ZNF625: variants seen among roughly 807,000 people sequenced by gnomAD.
ZNF625 encodes the protein zinc finger protein 625.
Under a neutral mutation model 11.1 loss-of-function variants are expected in ZNF625, and 8 were observed. That is an observed-to-expected ratio of 0.72 (90% confidence interval 0.42 to 1.30). ZNF625 has a LOEUF of 1.30. Among genes scored for constraint, ZNF625 ranks in the 50% most tolerant of loss-of-function variants. The pLI is 0.01. For synonymous variants in ZNF625, 145 were observed against 153.4 expected (o/e 0.95, Z 0.41); for missense variants, 349 against 447.6 (o/e 0.78, Z 1.99).
chr19:12,147,514 G>T, intron 2 of ZNF625, 59 bp from the exon 3 acceptor site: 4 of 1,504,004 alleles, frequency 2.7e-6, no homozygotes, highest in Non-Finnish European at 3.6e-6. Context: ...AAAAGTACTA[G>T]ATTCTAAGTT....
chr19:12,147,653 G>GA (rs776943505), intron 2 of ZNF625, 23 bp downstream of exon 2: 15 of 1,613,204 alleles, frequency 9.3e-6, no homozygotes, highest in African/African-American at 1.3e-5. Flanking sequence ...ATTCACTGAG[G>GA]AAAGTAATAT....
chr19:12,154,401 G>T (rs1292614601), intron 1 of ZNF625, among the ~76,000 whole-genome samples: 2 of 152,002 alleles, frequency 1.3e-5, no homozygotes, highest in Admixed American at 6.6e-5. Context: ...CATGGGTCTT[G>T]TATTACCAAG....
intron 1 of ZNF625, among the ~76,000 whole-genome samples, chr19:12,153,879 C>A (rs1429319812): frequency 7.0e-6 from 1 of 142,728 alleles, no homozygotes; most frequent in African/African-American, 2.7e-5. Flanking sequence ...GTGATCTCAG[C>A]TCACTGCAAG....
chr19:12,146,365 CAT>C lies in ZNF625; in HGVS notation c.192-143_192-142del, dbSNP rs377375958. The C allele has an allele frequency of 1.1e-4, 78 of 735,466 alleles. No homozygotes were observed. The African/African-American group carries it at 1.2e-3, about 12-fold the overall frequency. The allele number at this position is 735,466 out of a possible 1,614,324, so 45.6% of individuals were successfully genotyped here. A position where few individuals can be genotyped will look rare whatever the true frequency, so the allele number is the denominator to read the frequency against. On this transcript the variant is annotated intron_variant, in intron 3 of 3. Coordinates refer to ENST00000439556, the MANE Select transcript of ZNF625 (RefSeq NM_145233.4). ...CCTGTCTGAACATGAACAGACCACA[CAT>C]GCTCTACAAGATGGCCCAGCTATAC...
chr19:12,145,544 C>T lies in ZNF625; in HGVS notation c.872G>A (p.Arg291Gln), dbSNP rs749950854. 7.5e-6 allele frequency: 12 copies of T among 1,607,538 alleles called. No homozygotes were observed. Among genetic ancestry groups the T allele is most frequent in the South Asian group, 5.5e-5 (5 of 90,812 alleles). Residue 291 changes from arginine to glutamine, a missense_variant, in exon 4 of 4, where the codon CGA becomes CAA. By Grantham distance (43) the Arg-to-Gln change is conservative. Transcript: ENST00000439556. ...GKAFVSFNSV[R>Q]YHERTHTGEK... ...TCCAGTGTGAGTTCTTTCATGATATCGAACGGAATTGAAAGAAACAAAGGC... is the reference window on the plus strand; with the variant it reads ...TCCAGTGTGAGTTCTTTCATGATATTGAACGGAATTGAAAGAAACAAAGGC...
chr19:12,147,897 CT>C, intron 1 of ZNF625, 95 bp from the exon 2 acceptor site: 1 of 1,436,214 alleles, frequency 7.0e-7, no homozygotes, highest in Non-Finnish European at 9.3e-7. Context: ...GTGCTATGGA[CT>C]CCAAACATTT....
In ZNF625 at chr19:12,145,494, A is replaced by G; in HGVS notation, c.922T>C (p.Cys308Arg). The G allele has an allele frequency of 1.9e-6, 3 of 1,614,092 alleles. No homozygotes were observed. The highest frequency in any genetic ancestry group is 2.2e-5 in the South Asian group (2 of 91,076). The change falls in exon 4 of 4, where the codon TGT (cysteine) becomes CGT (arginine). Residue 308 changes from cysteine (C) to arginine (R), a missense_variant. Coordinates refer to ENST00000439556, the MANE Select transcript of ZNF625 (RefSeq NM_145233.4). ...TGEKPYECKQ[C>R]GKAFRSASHL... ...GAGGCAGATCTGAAGGCTTTCCCAC[A>G]TTGCTTACATTCATAGGGCTTCTCT...
intron 1 of ZNF625, among the ~76,000 whole-genome samples, chr19:12,149,374 T>C (rs1976922985): frequency 7.0e-6 from 1 of 143,094 alleles, no homozygotes; most frequent in East Asian, 2.1e-4. Flanking sequence ...AAAAATGTGA[T>C]AGGTATATAT....
Position 12,145,344 on chromosome 19 carries a change from G to T in ZNF625, c.1072C>A (p.Pro358Thr), listed in dbSNP as rs749411135. 3 of 1,613,964 alleles carry T rather than the reference G, an allele frequency of 1.9e-6. No individual in the cohort carries two copies. The highest frequency in any genetic ancestry group is 2.5e-6 in the Non-Finnish European group (3 of 1,180,012). ...CCTTTCGAAGTGTTGGAGCTACAGG[G>T]TTTTTCTCCAGTGTGAGTCCTTTCA... Reference protein sequence around the residue: ...IHERTHTGEKPCSSNTSKGQG... With the variant: ...IHERTHTGEKTCSSNTSKGQG... The change falls in exon 4 of 4, where the codon CCC becomes ACC. Residue 358 changes from proline (P) to threonine (T), a missense_variant. Physicochemically the swap from Pro to Thr is conservative, Grantham distance 38. Transcript: ENST00000439556.
intron 1 of ZNF625, among the ~76,000 whole-genome samples, chr19:12,149,624 A>G (rs747939328): frequency 2.0e-5 from 3 of 152,060 alleles, no homozygotes; most frequent in Non-Finnish European, 4.4e-5. Context: ...AATACCAAGT[A>G]AAAACCTAAT....
In ZNF625 at chr19:12,147,393, A is replaced by G. The variant is rs1976891979; in HGVS notation, c.191+2T>C. 6.5e-7 allele frequency: 1 copy of G among 1,531,122 alleles called. No homozygotes were observed. Among genetic ancestry groups the G allele is most frequent in the African/African-American group, 1.4e-5 (1 of 72,426 alleles). The allele number at this position is 1,531,122 out of a possible 1,614,324, so 94.8% of individuals were successfully genotyped here. A position where few individuals can be genotyped will look rare whatever the true frequency, so the allele number is the denominator to read the frequency against. On this transcript the variant is annotated splice_donor_variant, in intron 3 of 3. Coordinates refer to ENST00000439556, the MANE Select transcript of ZNF625 (RefSeq NM_145233.4). LOFTEE classifies it high-confidence loss of function. ...TCACTTTCTCTTGTGAATGCGAATT[A>G]CCTTAGGTTTCTCCTGGGATTTTTG...
At chr19:12,147,366 C>A (rs908008449) in intron 3 of ZNF625, 29 bp downstream of exon 3, 1 of 1,457,740 alleles carries the variant, frequency 6.9e-7, no homozygotes, top group East Asian at 2.5e-5. Flanking sequence ...TCTAGAGAGA[C>A]ATCACTTTCT....
intron 1 of ZNF625, among the ~76,000 whole-genome samples, chr19:12,148,913 C>T (rs958459892): frequency 7.9e-5 from 12 of 151,824 alleles, no homozygotes; most frequent in Non-Finnish European, 5.9e-5. Flanking sequence ...TGAGCCACTG[C>T]GCCTGGCCAA....
At chr19:12,148,808 G>A (rs1050175812) in intron 1 of ZNF625, among the ~76,000 whole-genome samples, 1 of 151,222 alleles carries the variant, frequency 6.6e-6, no homozygotes, top group Non-Finnish European at 1.5e-5. Flanking sequence ...TTTTTTAGTA[G>A]AGACAGGGTT....
At position 12,156,613 on chromosome 19, in the gene ZNF625, G is replaced by A; in HGVS notation, c.-55C>T. ...CTCCACGGATCCCTCTAACAGTCCA[G>A]TCACAGTGCGGGCGATGGAGCGACA... On this transcript the variant is annotated 5_prime_UTR_variant, in exon 1 of 4. Coordinates refer to ENST00000439556, the MANE Select transcript of ZNF625 (RefSeq NM_145233.4). 1 of 1,273,834 alleles carries A rather than the reference G, an allele frequency of 7.9e-7. No homozygotes were observed. The highest frequency in any genetic ancestry group is 9.9e-7 in the Non-Finnish European group (1 of 1,006,188). 78.9% of individuals were successfully genotyped at this position (1,273,834 alleles called of 1,614,324 possible).
At chr19:12,148,255 C>T (rs1367545555) in intron 1 of ZNF625, among the ~76,000 whole-genome samples, 5 of 152,188 alleles carry the variant, frequency 3.3e-5, no homozygotes, top group African/African-American at 9.7e-5. Context: ...GCTGGGATTA[C>T]AGGCATGAGC....
At chr19:12,152,765 C>T (rs1284407081) in intron 1 of ZNF625, among the ~76,000 whole-genome samples, 11 of 151,410 alleles carry the variant, frequency 7.3e-5, no homozygotes, top group Non-Finnish European at 7.4e-5. Context: ...TCGCTTGAAC[C>T]CAGGAGGCAG....
intron 1 of ZNF625, among the ~76,000 whole-genome samples, chr19:12,150,365 C>A (rs977360602): frequency 3.9e-5 from 6 of 152,096 alleles, no homozygotes; most frequent in African/African-American, 1.2e-4. Context: ...CCTACAAAAC[C>A]CAGTTATAGC....
At chr19:12,151,409 C>T (rs1195445498) in intron 1 of ZNF625, among the ~76,000 whole-genome samples, 31 of 141,260 alleles carry the variant, frequency 2.2e-4, no homozygotes, top group African/African-American at 7.9e-4. Flanking sequence ...GAGACGGAGT[C>T]TCGCTCTGTC....
Sources: gnomAD v4.1 joint callset for allele counts (sites outside exome capture counted in the v4.1 genomes callset) on GRCh38, gnomAD v4.1.1 for gene constraint, MANE v1.5 for transcripts, NCBI Gene and HGNC (gene_info 2026-07-23, HGNC 2026-07-21) for gene names.